Variants in LMLN observed in about 807,000 individuals in gnomAD.
LMLN encodes leishmanolysin like peptidase.
LMLN carries 70 observed loss-of-function variants against 92.3 expected under a neutral mutation model. The ratio of observed to expected loss-of-function variants is 0.76; its 90% CI spans 0.63 to 0.92. LMLN has a LOEUF of 0.92. LMLN is among the 40% of genes least tolerant of loss of function. The pLI is 0.00. For synonymous variants in LMLN, 308 were observed against 296.2 expected, an observed-to-expected ratio of 1.04 and a Z score of -0.41; for missense variants, 691 against 814.6, an observed-to-expected ratio of 0.85 and a Z score of 1.85.
At chr3:197,987,429 G>T (rs974696443) in intron 8 of LMLN, among the ~76,000 whole-genome samples, 4 of 152,128 alleles carry the variant, frequency 2.6e-5, no homozygotes, top group African/African-American at 9.7e-5. Context: ...AAAGTGCTGG[G>T]ATTACAGGCG....
At chr3:198,006,617 T>C (rs1160262963) in intron 11 of LMLN, among the ~76,000 whole-genome samples, 2 of 152,216 alleles carry the variant, frequency 1.3e-5, no homozygotes, top group African/African-American at 4.8e-5. Context: ...TATTTTATTT[T>C]GGTTTTAATT....
intron 6 of LMLN, 101 bp from the exon 7 acceptor site, chr3:197,983,842 G>A (rs1721625519): frequency 1.4e-6 from 1 of 711,422 alleles, no homozygotes; most frequent in Non-Finnish European, 2.4e-6. Flanking sequence ...TGGATACTTT[G>A]CAAAGATTTT....
At position 198,035,888 on chromosome 3, in the gene LMLN, GTA is replaced by G; in HGVS notation, c.1713_1714del (p.Cys571TrpfsTer32). On this transcript the variant is annotated frameshift_variant, in exon 15 of 16. Transcript: ENST00000330198. LOFTEE classifies it high-confidence loss of function. ...TGGGTCCAAGATACTTCATATTTGTGTAGTCGGGCTGGGCAGGTCCTCCCTGT... is the reference window on the plus strand; with the variant it reads ...TGGGTCCAAGATACTTCATATTTGTGGTCGGGCTGGGCAGGTCCTCCCTGT... The G allele has an allele frequency of 1.2e-6, 2 of 1,614,060 alleles. No homozygotes were observed. Among genetic ancestry groups the G allele is most frequent in the Non-Finnish European group, 1.7e-6 (2 of 1,180,032 alleles).
At chr3:197,965,473 T>G (rs374748410) in intron 1 of LMLN, among the ~76,000 whole-genome samples, 1 of 152,102 alleles carries the variant, frequency 6.6e-6, no homozygotes, top group African/African-American at 2.4e-5. Context: ...GCTCCTGGAC[T>G]CAAGCAATCC....
At chr3:198,020,768 ATT>A (rs71166715) in intron 12 of LMLN, among the ~76,000 whole-genome samples, 93 of 32,848 alleles carry the variant, frequency 2.8e-3, no homozygotes, top group African/African-American at 1.0e-2. Context: ...TAATTTTTGT[ATT>A]TTTTTTTTTT....
intron 11 of LMLN, among the ~76,000 whole-genome samples, chr3:198,005,244 T>C (rs1435961936): frequency 7.6e-6 from 1 of 132,240 alleles, no homozygotes; most frequent in Non-Finnish European, 1.6e-5. Context: ...CATCTATCTA[T>C]ATATCATCTA....
At position 198,031,010 on chromosome 3, in the gene LMLN, G is replaced by C. The variant is rs533878248; in HGVS notation, c.1657-4823G>C. On this transcript the variant is annotated intron_variant, in intron 14 of 15. Transcript: ENST00000330198. This position sits in a 1 kb window ranked among gnomAD's most constrained non-coding sequence, Gnocchi z 4.8. ...TTCCACCGTGACGCCTGCTGACAGC[G>C]TGGGAAGGCGGGACCTCACCTCTGC... is the stretch of plus-strand genomic sequence containing the variant. Among the ~76,000 whole-genome samples, 1 of 151,896 alleles carries C rather than the reference G, an allele frequency of 6.6e-6. No homozygotes were observed. The highest frequency in any genetic ancestry group is 1.9e-4 in the East Asian group (1 of 5,150).
At chr3:197,986,864 C>G (rs557182047) in intron 8 of LMLN, among the ~76,000 whole-genome samples, 1,718 of 144,928 alleles carry the variant, frequency 0.012, 20 homozygotes, top group Non-Finnish European at 0.017. Flanking sequence ...TTTTTTGAGA[C>G]AGTCTCGCTC....
At chr3:197,972,884 G>C (rs1336916315) in intron 1 of LMLN, among the ~76,000 whole-genome samples, 2 of 151,978 alleles carry the variant, frequency 1.3e-5, no homozygotes, top group East Asian at 1.9e-4. Flanking sequence ...GCAGATTTTG[G>C]GGTACCTTCT....
intron 9 of LMLN, among the ~76,000 whole-genome samples, 190 bp from the exon 10 acceptor site, chr3:197,995,985 T>C (rs1369552906): frequency 3.3e-5 from 5 of 152,200 alleles, no homozygotes; most frequent in Admixed American, 2.0e-4. Context: ...AGTAATTTCC[T>C]AGCAAAGAAG....
intron 11 of LMLN, among the ~76,000 whole-genome samples, chr3:198,014,709 C>T (rs1172674432): frequency 1.4e-5 from 2 of 144,220 alleles, no homozygotes; most frequent in Non-Finnish European, 1.5e-5. Context: ...CCTAACTAGT[C>T]TGACTTCTCT....
At chr3:198,014,435 GCCCCC>G in intron 11 of LMLN, among the ~76,000 whole-genome samples, 1 of 124,586 alleles carries the variant, frequency 8.0e-6, no homozygotes, top group Non-Finnish European at 1.7e-5. Context: ...ACCCTTCAGA[GCCCCC>G]TAACTAGTCT....
chr3:198,033,571 T>C (rs1723132596), intron 14 of LMLN, among the ~76,000 whole-genome samples: 1 of 152,030 alleles, frequency 6.6e-6, no homozygotes. Flanking sequence ...CTGGCTAATT[T>C]TTGTATTTTT....
chr3:198,008,572 C>G (rs1207321391), intron 11 of LMLN, among the ~76,000 whole-genome samples: 2 of 152,114 alleles, frequency 1.3e-5, no homozygotes, highest in African/African-American at 4.8e-5. Flanking sequence ...CAACAAAATA[C>G]AAAAATGAGG....
chr3:197,970,269 G>A (rs954229256), intron 1 of LMLN, among the ~76,000 whole-genome samples: 5 of 152,286 alleles, frequency 3.3e-5, no homozygotes, highest in Non-Finnish European at 7.4e-5. Flanking sequence ...AAGAAAAGAA[G>A]TGTGTATAAT....
rs756286004 is a variant in LMLN at position 198,019,299 on chromosome 3, C to T, written c.1279C>T (p.Leu427=). Residue 427 remains leucine (L), a synonymous_variant, in exon 12 of 16, where the codon CTG becomes TTG. Transcript: ENST00000330198. This position sits in a 1 kb window ranked among gnomAD's most constrained non-coding sequence, Gnocchi z 5.5. Reference sequence around the variant, plus strand: ...CTGTGACACGCTCAGAAGTAACCCACTGCAGCTAACTTGCAGACAGGACCA... The same window carrying T: ...CTGTGACACGCTCAGAAGTAACCCATTGCAGCTAACTTGCAGACAGGACCA... 1 of 1,614,140 alleles carries T rather than the reference C, an allele frequency of 6.2e-7. No homozygotes were observed. Among genetic ancestry groups the T allele is most frequent in the South Asian group, 1.1e-5 (1 of 91,072 alleles).
At chr3:198,043,063 CATCTT>C (rs1286121301) in exon 16 of LMLN, 1 of 150,966 alleles carries the variant, frequency 6.6e-6, no homozygotes, top group African/African-American at 2.5e-5. Context: ...GTTGAAACAT[CATCTT>C]ATGAGGTTTA....
At chr3:197,979,375 G>A (rs1314964208) in intron 5 of LMLN, among the ~76,000 whole-genome samples, 3 of 151,694 alleles carry the variant, frequency 2.0e-5, no homozygotes, top group African/African-American at 7.3e-5. Context: ...CATTACAGAG[G>A]CAAATAAGAT....
exon 1 of LMLN, chr3:197,960,263 C>G (rs372368519): frequency 1.2e-5 from 19 of 1,613,066 alleles, no homozygotes; most frequent in Non-Finnish European, 1.4e-5. Flanking sequence ...CCGAATGGGG[C>G]GGAGGAGTGG....
Sources: gnomAD v4.1 joint callset for allele counts (sites outside exome capture counted in the v4.1 genomes callset) on GRCh38, gnomAD v4.1.1 for gene constraint, Gnocchi (gnomAD v3.1) non-coding constraint, MANE v1.5 for transcripts, NCBI Gene and HGNC (gene_info 2026-07-23, HGNC 2026-07-21) for gene names.